Variants in TEF observed in about 807,000 individuals in gnomAD.
The protein encoded by TEF is thyrotroph embryonic factor.
In TEF, 3 loss-of-function variants were observed where a neutral mutation model predicts 20.8. That is an observed-to-expected ratio of 0.14 (90% CI 0.07 to 0.37). The LOEUF is 0.37. TEF is among the 10% of genes least tolerant of loss of function. TEF has a pLI of 1.00. For missense variants in TEF, 296 were observed against 397.9 expected (o/e 0.74, Z 2.18); for synonymous variants, 180 against 171.1 (o/e 1.05, Z -0.41).
At chr22:41,375,903 C>T (rs561911169) in intron 1 of TEF, among the ~76,000 whole-genome samples, 56 of 152,202 alleles carry the variant, frequency 3.7e-4, no homozygotes, top group African/African-American at 1.3e-3. Flanking sequence ...AACAAAGCAT[C>T]GTGCCCTCCT....
chr22:41,385,754 G>C (rs1002907473), intron 1 of TEF, among the ~76,000 whole-genome samples: 2 of 152,070 alleles, frequency 1.3e-5, no homozygotes, highest in Non-Finnish European at 2.9e-5. Context: ...GCATGATCTT[G>C]GCTCACTGCA....
rs757741802 is a variant in TEF, at chr22:41,387,574, G to A, written c.381G>A (p.Glu127=). 2 of 1,614,218 alleles carry A rather than the reference G, an allele frequency of 1.2e-6. No individual in the cohort carries two copies. Among genetic ancestry groups the A allele is most frequent in the Non-Finnish European group, 8.5e-7 (1 of 1,180,024 alleles). ...LAHNLLLPVA[E]LEGKESASSS... is the part of the protein sequence containing the mutation. ...ACAACCTGCTGCTGCCTGTAGCAGA[G>A]CTAGAAGGGAAGGAGTCTGCCAGCT... is the stretch of plus-strand genomic sequence containing the variant. The change falls in exon 2 of 4, where the codon GAG becomes GAA. Residue 127 remains glutamate, a synonymous_variant. Transcript: ENST00000266304.
At chr22:41,381,869 T>A, upstream of TEF, 1 of 1,222,000 alleles carries the variant, frequency 8.2e-7, no homozygotes, top group Non-Finnish European at 1.0e-6. Context: ...GCCTCATGAA[T>A]AATTAATGTG....
chr22:41,368,734 G>A (rs1371560683), intron 1 of TEF, among the ~76,000 whole-genome samples: 1 of 152,136 alleles, frequency 6.6e-6, no homozygotes, highest in Non-Finnish European at 1.5e-5. Flanking sequence ...AGGCCCCTCC[G>A]ACCACACTCC....
At chr22:41,367,723 C>T (rs1307653785) in intron 1 of TEF, 9 of 953,668 alleles carry the variant, frequency 9.4e-6, no homozygotes, top group African/African-American at 1.7e-5. Context: ...AGTGGTGCGC[C>T]CTTGGTCTCA....
At position 41,395,816 on chromosome 22, in the gene TEF, G is replaced by A. The variant is rs774766873; in HGVS notation, c.768G>A (p.Leu256=). The A allele has an allele frequency of 2.5e-5, 41 of 1,614,082 alleles. No individual in the cohort carries two copies. Among genetic ancestry groups the A allele is most frequent in the Non-Finnish European group, 3.4e-5 (40 of 1,180,048 alleles). The change falls in exon 4 of 4, where the codon CTG becomes CTA. Residue 256 remains leucine, a synonymous_variant. Transcript: ENST00000266304. ...AAKRSRDARR[L]KENQITIRAA... Reference sequence around the variant, plus strand: ...AACGGTCACGGGATGCCCGGCGCCTGAAAGAGAATCAGATCACCATCCGGG... The same window carrying A: ...AACGGTCACGGGATGCCCGGCGCCTAAAAGAGAATCAGATCACCATCCGGG...
At position 41,382,068 on chromosome 22, in the gene TEF, G is replaced by GAAGCCGCCTGTGGAC. The variant is rs1210264831; in HGVS notation, c.25_39dup (p.Lys9_Asp13dup). Reference sequence around the variant, plus strand: ...CGATGTCCGACGCGGGCGGCGGAAAGAAGCCGCCTGTGGACCCGCAGGCAG... The same window carrying GAAGCCGCCTGTGGAC: ...CGATGTCCGACGCGGGCGGCGGAAAGAAGCCGCCTGTGGACAAGCCGCCTGTGGACCCGCAGGCAG... On this transcript the variant is annotated inframe_insertion, in exon 1 of 4. Coordinates refer to ENST00000266304, the MANE Select transcript of TEF (RefSeq NM_003216.4). 4.9e-5 allele frequency: 60 copies of GAAGCCGCCTGTGGAC among 1,231,456 alleles called. No homozygotes were observed. Among genetic ancestry groups the GAAGCCGCCTGTGGAC allele is most frequent in the Non-Finnish European group, 6.0e-5 (59 of 987,742 alleles). 76.3% of individuals were successfully genotyped at this position (1,231,456 alleles called of 1,614,324 possible). A position where few individuals can be genotyped will look rare whatever the true frequency, so the allele number is the denominator to read the frequency against.
At chr22:41,389,363 T>C (rs1263536947) in intron 2 of TEF, among the ~76,000 whole-genome samples, 2 of 151,988 alleles carry the variant, frequency 1.3e-5, no homozygotes, top group African/African-American at 4.8e-5. Flanking sequence ...ATTGCACCAC[T>C]GCACTCCAGC....
intron 1 of TEF, among the ~76,000 whole-genome samples, chr22:41,385,019 T>C (rs2037080204): frequency 6.6e-6 from 1 of 152,122 alleles, no homozygotes; most frequent in African/African-American, 2.4e-5. Flanking sequence ...ACTCCCAAAG[T>C]GCTAGGATAC....
chr22:41,381,803 C>CT (rs1316751752), upstream of TEF: 5 of 1,051,198 alleles, frequency 4.8e-6, no homozygotes, highest in African/African-American at 8.2e-5. Flanking sequence ...GGATCTGCGC[C>CT]TGCCCCTCTC....
At chr22:41,375,056 TTGAC>T (rs2036924218) in intron 1 of TEF, among the ~76,000 whole-genome samples, 1 of 152,282 alleles carries the variant, frequency 6.6e-6, no homozygotes, top group African/African-American at 2.4e-5. Context: ...CAGCACGTCT[TTGAC>T]TGCAGAAACC....
At chr22:41,380,719 T>G (rs894927316), upstream of TEF, among the ~76,000 whole-genome samples, 2 of 152,172 alleles carry the variant, frequency 1.3e-5, no homozygotes, top group East Asian at 1.9e-4. Context: ...GAGCGCTGTT[T>G]AGGAGCAGCT....
chr22:41,384,384 G>T (rs1399323283), intron 1 of TEF, among the ~76,000 whole-genome samples: 1 of 152,032 alleles, frequency 6.6e-6, no homozygotes, highest in African/African-American at 2.4e-5. Flanking sequence ...AGACAATTGG[G>T]TAGATCCAGT....
At chr22:41,387,270 G>C (rs1355948776) in intron 1 of TEF, 81 bp from the exon 2 acceptor site, 1 of 1,481,452 alleles carries the variant, frequency 6.8e-7, no homozygotes, top group Non-Finnish European at 9.3e-7. Context: ...AGATGGGCCA[G>C]GCCTGTGAGG....
At chr22:41,375,231 CGAG>C (rs1569251750) in intron 1 of TEF, among the ~76,000 whole-genome samples, 1 of 152,108 alleles carries the variant, frequency 6.6e-6, no homozygotes, top group East Asian at 1.9e-4. Flanking sequence ...AGAGTACTGA[CGAG>C]GAGGGCAAGA....
At chr22:41,379,224 G>A (rs1353533807), upstream of TEF, among the ~76,000 whole-genome samples, 1 of 152,170 alleles carries the variant, frequency 6.6e-6, no homozygotes, top group Non-Finnish European at 1.5e-5. Context: ...TGTAGTCCCA[G>A]CTACTCCGGA....
At chr22:41,389,065 A>G (rs2037134335) in intron 2 of TEF, among the ~76,000 whole-genome samples, 1 of 152,112 alleles carries the variant, frequency 6.6e-6, no homozygotes, top group African/African-American at 2.4e-5. Flanking sequence ...AAAGTTGACA[A>G]TAAATCCATC....
rs1276138201 is a variant in TEF at position 41,387,630 on chromosome 22, C to G, written c.437C>G (p.Thr146Ser). ...ACAGCATCCCCACCATCCTCCTCCA[C>G]TGCCATCTTTCAGCCCTCTGAAACC... ...SSTASPPSSSTAIFQPSETVS... is the reference protein window; with the variant it reads ...SSTASPPSSSSAIFQPSETVS... Residue 146 changes from threonine to serine, a missense_variant, in exon 2 of 4, where the codon ACT (threonine) becomes AGT (serine). This residue lies in a region of TEF where 194 missense variants were observed against 317.8 expected (regional missense o/e 0.61). Coordinates refer to ENST00000266304, the MANE Select transcript of TEF (RefSeq NM_003216.4). The G allele has an allele frequency of 3.1e-6, 5 of 1,614,146 alleles. No homozygotes were observed. The Admixed American group carries it at 6.7e-5, about 22-fold the overall frequency.
chr22:41,387,076 G>A (rs960287050), intron 1 of TEF, among the ~76,000 whole-genome samples: 8 of 152,040 alleles, frequency 5.3e-5, no homozygotes, highest in African/African-American at 1.7e-4. Context: ...ATTAAATAAT[G>A]AATTAACCCT....
Sources: gnomAD v4.1 joint callset for allele counts (sites outside exome capture counted in the v4.1 genomes callset) on GRCh38, gnomAD v4.1.1 for gene constraint, gnomAD v4.1.1 regional missense constraint, MANE v1.5 for transcripts, NCBI Gene and HGNC (gene_info 2026-07-23, HGNC 2026-07-21) for gene names.